CEP57L1: variants seen among roughly 807,000 people sequenced by gnomAD.
The protein encoded by CEP57L1 is centrosomal protein CEP57L1.
In CEP57L1, 37 loss-of-function variants were observed where a neutral mutation model predicts 61.0. The ratio of observed to expected loss-of-function variants is 0.61; its 90% CI spans 0.47 to 0.80. The LOEUF is 0.80. Ranked by LOEUF, CEP57L1 falls within the 30% of genes least tolerant of loss-of-function variation. CEP57L1 has a pLI of 0.00. For missense variants in CEP57L1, 422 were observed against 524.7 expected (o/e 0.80, Z 1.91); for synonymous variants, 137 against 162.3 (o/e 0.84, Z 1.19).
rs770580761 is a variant in CEP57L1, at chr6:109,168,729, G to A, written c.*5759G>A. 2.6e-5 allele frequency among the ~76,000 whole-genome samples: 4 copies of A among 151,082 alleles called. No individual in the cohort carries two copies. The highest frequency in any genetic ancestry group is 5.9e-5 in the Non-Finnish European group (4 of 67,830). On this transcript the variant is annotated 3_prime_UTR_variant, in exon 11 of 11. Coordinates refer to ENST00000517392, the MANE Select transcript of CEP57L1 (RefSeq NM_001271852.3). ...TCCTGCCTCAGCCTCCCAAGTAGCTGGGATTATAGGTGTGCACCACCATGC... is the reference window on the plus strand; with the variant it reads ...TCCTGCCTCAGCCTCCCAAGTAGCTAGGATTATAGGTGTGCACCACCATGC...
At position 109,170,138 on chromosome 6, in the gene CEP57L1, C is replaced by T. The variant is rs911871382; in HGVS notation, c.*7168C>T. On this transcript the variant is annotated 3_prime_UTR_variant, in exon 11 of 11. Coordinates refer to ENST00000517392, the MANE Select transcript of CEP57L1 (RefSeq NM_001271852.3). ...GGAAGAAGTGTTATAGGGTAATGAGCAATAATAAGGCCACCAAATATAATC... is the reference window on the plus strand; with the variant it reads ...GGAAGAAGTGTTATAGGGTAATGAGTAATAATAAGGCCACCAAATATAATC... Among the ~76,000 whole-genome samples the T allele has an allele frequency of 6.6e-5, 10 of 152,084 alleles. No individual in the cohort carries two copies. Among genetic ancestry groups the T allele is most frequent in the African/African-American group, 2.4e-4 (10 of 41,412 alleles).
chr6:109,146,937 G>A lies in CEP57L1; in HGVS notation c.340G>A (p.Asp114Asn). Residue 114 changes from aspartate (D) to asparagine (N), a missense_variant and splice_region_variant, in exon 3 of 11, where the codon GAT becomes AAT. Physicochemically the swap from Asp to Asn is conservative, Grantham distance 23. Transcript: ENST00000517392. ...CCAGGAGCTGATAAAGCAGAAAAAA[G>A]GTAAGAAATGCAGTAGTTCTCAGAA... ...AHQELIKQKK[D>N]ISIQLSSAQS... is the part of the protein sequence containing the mutation. 2 of 1,601,672 alleles carry A rather than the reference G, an allele frequency of 1.2e-6. No individual in the cohort carries two copies. The highest frequency in any genetic ancestry group is 1.7e-6 in the Non-Finnish European group (2 of 1,175,808).
intron 1 of CEP57L1, among the ~76,000 whole-genome samples, chr6:109,144,449 T>C (rs1771746542): frequency 6.6e-6 from 1 of 152,132 alleles, no homozygotes; most frequent in Non-Finnish European, 1.5e-5. Flanking sequence ...ATTAATTTAA[T>C]TAACATTGAC....
intron 5 of CEP57L1, 26 bp downstream of exon 5, chr6:109,153,975 A>G (rs750037032): frequency 8.6e-7 from 1 of 1,159,208 alleles, no homozygotes; most frequent in East Asian, 2.4e-5. Flanking sequence ...AGTGATGACA[A>G]CAGGAATGAA....
In CEP57L1 at chr6:109,150,105, C is replaced by G; in HGVS notation, c.341-13C>G. Reference sequence around the variant, plus strand: ...CTTCCTCTTTTCCTAATTGAATACCCTTTATTTCATAGATATAAGTATACA... The same window carrying G: ...CTTCCTCTTTTCCTAATTGAATACCGTTTATTTCATAGATATAAGTATACA... On this transcript the variant is annotated splice_polypyrimidine_tract_variant and intron_variant, in intron 3 of 10. Transcript: ENST00000517392. The G allele has an allele frequency of 6.5e-7, 1 of 1,531,550 alleles. No homozygotes were observed. Among genetic ancestry groups the G allele is most frequent in the Non-Finnish European group, 9.0e-7 (1 of 1,110,758 alleles). The allele number at this position is 1,531,550 out of a possible 1,614,324, so 94.9% of individuals were successfully genotyped here.
chr6:109,143,351 T>C (rs1246383665), intron 1 of CEP57L1, among the ~76,000 whole-genome samples: 1 of 152,166 alleles, frequency 6.6e-6, no homozygotes, highest in Non-Finnish European at 1.5e-5. Context: ...CCCAGGATGC[T>C]TCAGTGCTTT....
intron 1 of CEP57L1, among the ~76,000 whole-genome samples, chr6:109,120,604 A>G (rs1772833306): frequency 6.6e-6 from 1 of 151,926 alleles, no homozygotes; most frequent in African/African-American, 2.4e-5. Context: ...AAAACATGTT[A>G]ACGGGGGTTC....
chr6:109,120,042 T>C (rs1292811413), intron 1 of CEP57L1, among the ~76,000 whole-genome samples: 1 of 152,182 alleles, frequency 6.6e-6, no homozygotes, highest in East Asian at 1.9e-4. Context: ...ATGTGTTGAG[T>C]GCTTACTGTG....
At position 109,165,044 on chromosome 6, in the gene CEP57L1, C is replaced by G. The variant is rs1583694719; in HGVS notation, c.*2074C>G. Among the ~76,000 whole-genome samples the G allele has an allele frequency of 6.7e-6, 1 of 150,050 alleles. No homozygotes were observed. Among genetic ancestry groups the G allele is most frequent in the Admixed American group, 6.6e-5 (1 of 15,040 alleles). ...AGTGAGCTGAGATCTCACCACTGTA[C>G]TCCAGCCTGGTGACACAGCAAGACT... On this transcript the variant is annotated 3_prime_UTR_variant, in exon 11 of 11. Coordinates refer to ENST00000517392, the MANE Select transcript of CEP57L1 (RefSeq NM_001271852.3).
At chr6:109,149,632 G>A (rs1172280246) in intron 3 of CEP57L1, among the ~76,000 whole-genome samples, 16 of 151,962 alleles carry the variant, frequency 1.1e-4, no homozygotes, top group South Asian at 8.3e-4. Context: ...GAACTTTAAA[G>A]TAGTTTTTTC....
chr6:109,101,886 TG>T (rs1196034718), intron 1 of CEP57L1, among the ~76,000 whole-genome samples: 1 of 152,206 alleles, frequency 6.6e-6, no homozygotes, highest in African/African-American at 2.4e-5. Flanking sequence ...CCCAAAGTGC[TG>T]GGATTATAGG....
chr6:109,116,142 A>G lies in CEP57L1; in HGVS notation c.-4+20567A>G, dbSNP rs1262770811. Among the ~76,000 whole-genome samples the G allele has an allele frequency of 7.8e-3, 1,072 of 136,958 alleles. 6 individuals carry two copies. The highest frequency in any genetic ancestry group is 0.024 in the African/African-American group (832 of 33,972). 89.8% of individuals were successfully genotyped at this position (136,958 alleles called of 152,430 possible). On this transcript the variant is annotated intron_variant, in intron 1 of 10. Coordinates refer to ENST00000517392, the MANE Select transcript of CEP57L1 (RefSeq NM_001271852.3). ...GTTATGTGTTGTGTTATGTTATGTT[A>G]TGTTATGTTATGTTATGTTATGTTA... is the stretch of plus-strand genomic sequence containing the variant.
intron 1 of CEP57L1, among the ~76,000 whole-genome samples, chr6:109,106,440 T>C (rs1218501871): frequency 2.0e-5 from 3 of 152,192 alleles, no homozygotes; most frequent in Non-Finnish European, 2.9e-5. Flanking sequence ...TTGTCAGTGT[T>C]TTTAGTGTCA....
At chr6:109,145,119 A>G (rs909945794) in intron 1 of CEP57L1, 100 bp from the exon 2 acceptor site, 13 of 673,756 alleles carry the variant, frequency 1.9e-5, no homozygotes, top group Non-Finnish European at 2.9e-5. Flanking sequence ...ACTCCACAGT[A>G]TATGATTATG....
chr6:109,104,576 TTTTG>T (rs886747156), intron 1 of CEP57L1, among the ~76,000 whole-genome samples: 24 of 152,132 alleles, frequency 1.6e-4, no homozygotes, highest in African/African-American at 5.1e-4. Flanking sequence ...TTTGTTTGTT[TTTTG>T]TTTGTTTGTT....
intron 1 of CEP57L1, among the ~76,000 whole-genome samples, chr6:109,111,782 A>G (rs576556735): frequency 2.6e-4 from 40 of 152,236 alleles, no homozygotes; most frequent in Non-Finnish European, 4.9e-4. Flanking sequence ...TGAGATAATC[A>G]TGGGTTTTTT....
At chr6:109,108,181 G>C (rs1029805842) in intron 1 of CEP57L1, among the ~76,000 whole-genome samples, 1 of 151,816 alleles carries the variant, frequency 6.6e-6, no homozygotes, top group South Asian at 2.1e-4. Context: ...TAGTGTTCTG[G>C]AGGAGTCTCT....
At chr6:109,107,315 AT>A (rs1198386769) in intron 1 of CEP57L1, among the ~76,000 whole-genome samples, 1 of 151,954 alleles carries the variant, frequency 6.6e-6, no homozygotes, top group Non-Finnish European at 1.5e-5. Context: ...TTGGCTATAT[AT>A]TTTTTTAAAG....
At chr6:109,136,719 T>C (rs1412331908) in intron 1 of CEP57L1, among the ~76,000 whole-genome samples, 5 of 139,664 alleles carry the variant, frequency 3.6e-5, no homozygotes, top group Non-Finnish European at 6.0e-5. Flanking sequence ...TATTTTATTT[T>C]ATTTTATTTT....
Sources: allele counts gnomAD v4.1 joint callset (sites outside exome capture counted in the v4.1 genomes callset), GRCh38; gene constraint gnomAD v4.1.1; transcripts MANE v1.5; gene names NCBI Gene and HGNC (gene_info 2026-07-23, HGNC 2026-07-21).